Variants in KCNN2 observed in about 807,000 individuals in gnomAD.
KCNN2 encodes small conductance calcium-activated potassium channel protein 2.
In KCNN2, 24 loss-of-function variants were observed where a neutral mutation model predicts 55.5. The ratio of observed to expected loss-of-function variants is 0.43; its 90% CI spans 0.31 to 0.61. The LOEUF (loss-of-function observed/expected upper bound fraction) is 0.61, where lower values mean the gene tolerates loss of function less well. KCNN2 is among the 20% of genes least tolerant of loss of function. The probability of loss-of-function intolerance (pLI) is 0.08; values close to 1 mark genes in which losing one functional copy is unlikely to be tolerated. For missense variants in KCNN2, 754 were observed against 853.6 expected, an observed-to-expected ratio of 0.88 and a Z score of 1.45; for synonymous variants, 431 against 336.1, an observed-to-expected ratio of 1.28 and a Z score of -3.09.
chr5:114,275,838 C>T (rs929469261), intron 2 of KCNN2, among the ~76,000 whole-genome samples: 8 of 152,018 alleles, frequency 5.3e-5, no homozygotes, highest in African/African-American at 1.9e-4. Context: ...TTCAGTTCTG[C>T]TCTGATCTCA....
At chr5:114,175,082 G>T (rs1296322623) in intron 1 of KCNN2, among the ~76,000 whole-genome samples, 4 of 152,172 alleles carry the variant, frequency 2.6e-5, no homozygotes, top group African/African-American at 9.6e-5. Context: ...TGTTATGACA[G>T]TTTGGGCTTG....
chr5:114,102,077 C>T (rs763264670), intron 1 of KCNN2, among the ~76,000 whole-genome samples: 10 of 152,170 alleles, frequency 6.6e-5, no homozygotes, highest in Non-Finnish European at 1.2e-4. Flanking sequence ...TATTTCTCCA[C>T]GTCCTTTCCA....
intron 1 of KCNN2, among the ~76,000 whole-genome samples, chr5:114,060,721 C>G (rs972815728): frequency 6.6e-6 from 1 of 152,152 alleles, no homozygotes; most frequent in Non-Finnish European, 1.5e-5. Flanking sequence ...TGGATAATAA[C>G]AAAACCTACT....
intron 2 of KCNN2, among the ~76,000 whole-genome samples, chr5:114,312,426 CACACACACATATAT>C (rs1250586354): frequency 6.5e-4 from 18 of 27,492 alleles, no homozygotes; most frequent in Non-Finnish European, 1.3e-3. Flanking sequence ...CACACACACA[CACACACACATATAT>C]ATATATATAT....
Position 114,056,404 on chromosome 5 carries a change from C to T in KCNN2, c.-367C>T, listed in dbSNP as rs774921436. On this transcript the variant is annotated 5_prime_UTR_variant, in exon 1 of 11. Coordinates refer to the KCNN2 transcript ENST00000512097. ...CGGAATTCTCAGTGGACTCGATCTT[C>T]AGCTTTGTCCACTGGCGCATTTCAC... The T allele has an allele frequency of 3.3e-4, 132 of 398,556 alleles. 1 individual carries two copies. The highest frequency in any genetic ancestry group is 1.1e-4 in the Non-Finnish European group (25 of 226,096). The allele number at this position is 398,556 out of a possible 1,614,324, so 24.7% of individuals were successfully genotyped here. A position where few individuals can be genotyped will look rare whatever the true frequency, so the allele number is the denominator to read the frequency against.
intron 1 of KCNN2, among the ~76,000 whole-genome samples, chr5:114,200,039 A>G (rs1466919673): frequency 1.3e-5 from 2 of 152,084 alleles, no homozygotes; most frequent in Non-Finnish European, 2.9e-5. Context: ...TGCCTCCTCT[A>G]TCTTGATGTC....
intron 2 of KCNN2, among the ~76,000 whole-genome samples, chr5:114,393,079 A>G (rs528471202): frequency 6.6e-6 from 1 of 152,142 alleles, no homozygotes; most frequent in South Asian, 2.1e-4. Flanking sequence ...TCTCTGTTGT[A>G]GTACTTATCA....
chr5:114,443,160 G>A (rs901817550), intron 3 of KCNN2, among the ~76,000 whole-genome samples: 5 of 151,890 alleles, frequency 3.3e-5, no homozygotes, highest in African/African-American at 9.7e-5. Context: ...GCGTGGTGGC[G>A]CGTGCCTGTA....
intron 3 of KCNN2, among the ~76,000 whole-genome samples, chr5:114,458,090 T>TA (rs1037688144): frequency 2.2e-4 from 33 of 152,110 alleles, no homozygotes; most frequent in African/African-American, 5.8e-4. Context: ...TTACACCTTT[T>TA]AAAAAAAATG....
At chr5:114,194,679 G>A (rs768049267) in intron 1 of KCNN2, among the ~76,000 whole-genome samples, 1 of 151,794 alleles carries the variant, frequency 6.6e-6, no homozygotes, top group Non-Finnish European at 1.5e-5. Flanking sequence ...GTTATTATTT[G>A]CAGCATAAAC....
At chr5:114,090,802 A>G (rs1432801796) in intron 1 of KCNN2, among the ~76,000 whole-genome samples, 3 of 152,004 alleles carry the variant, frequency 2.0e-5, no homozygotes, top group Admixed American at 6.6e-5. Context: ...TGTTCTTCCA[A>G]TACCAGTAGC....
intron 1 of KCNN2, among the ~76,000 whole-genome samples, chr5:114,158,174 T>A (rs1458591784): frequency 1.3e-5 from 2 of 152,150 alleles, no homozygotes; most frequent in Non-Finnish European, 2.9e-5. Flanking sequence ...TTGAATTAAT[T>A]TTTGTATAAG....
intron 3 of KCNN2, among the ~76,000 whole-genome samples, chr5:114,442,678 C>A (rs1271813399): frequency 1.3e-5 from 2 of 152,118 alleles, no homozygotes; most frequent in Non-Finnish European, 2.9e-5. Context: ...CATAAACCTG[C>A]CCCTCGGGTT....
At chr5:114,486,788 G>C (rs1240172088) in intron 5 of KCNN2, 10 of 1,337,328 alleles carry the variant, frequency 7.5e-6, no homozygotes, top group South Asian at 6.5e-5. Flanking sequence ...GAATAAAAAA[G>C]AAGTTTCCTG....
chr5:114,104,110 A>G (rs1023835611), intron 1 of KCNN2, among the ~76,000 whole-genome samples: 4 of 152,006 alleles, frequency 2.6e-5, no homozygotes, highest in African/African-American at 4.8e-5. Flanking sequence ...AGAACTTGTT[A>G]TTGGTCTATT....
At chr5:114,368,509 T>TAG (rs1349546755) in intron 2 of KCNN2, among the ~76,000 whole-genome samples, 1 of 152,136 alleles carries the variant, frequency 6.6e-6, no homozygotes, top group Non-Finnish European at 1.5e-5. Context: ...TGTCTACTAG[T>TAG]AGGCTCTGTG....
chr5:114,116,769 C>G (rs1315155710), intron 1 of KCNN2, among the ~76,000 whole-genome samples: 1 of 152,120 alleles, frequency 6.6e-6, no homozygotes, highest in Non-Finnish European at 1.5e-5. Context: ...GATTCTCTAG[C>G]AAGTTGTGGG....
At chr5:114,367,453 A>G (rs1405081864) in intron 2 of KCNN2, among the ~76,000 whole-genome samples, 1 of 152,218 alleles carries the variant, frequency 6.6e-6, no homozygotes, top group Non-Finnish European at 1.5e-5. Context: ...TTCTATATCT[A>G]TCAGTAAAGC....
intron 3 of KCNN2, among the ~76,000 whole-genome samples, chr5:114,446,665 C>T (rs1394403485): frequency 5.3e-5 from 8 of 152,122 alleles, no homozygotes; most frequent in South Asian, 4.2e-4. Context: ...TTCACCATGT[C>T]GGCCAGGCTG....
Sources: gnomAD v4.1 joint callset for allele counts (sites outside exome capture counted in the v4.1 genomes callset) on GRCh38, gnomAD v4.1.1 for gene constraint, MANE v1.5 for transcripts, NCBI Gene and HGNC (gene_info 2026-07-23, HGNC 2026-07-21) for gene names.